The following ZBBX variants were observed in gnomAD, a reference collection of about 807,000 sequenced individuals.
ZBBX encodes zinc finger B-box domain-containing protein 1.
Under a neutral mutation model 108.5 loss-of-function variants are expected in ZBBX, and 101 were observed. The observed-to-expected ratio is 0.93, with a 90% CI of 0.79 to 1.10. ZBBX has a LOEUF of 1.10. ZBBX is among the 50% of genes least tolerant of loss of function. ZBBX has a pLI of 0.00. For missense variants in ZBBX, 1,009 were observed against 941.4 expected, an observed-to-expected ratio of 1.07 and a Z score of -0.94; for synonymous variants, 356 against 323.4, an observed-to-expected ratio of 1.10 and a Z score of -1.08.
chr3:167,360,820 T>C, intron 6 of ZBBX, 97 bp from the exon 7 acceptor site: 1 of 603,424 alleles, frequency 1.7e-6, no homozygotes, highest in Non-Finnish European at 2.6e-6. Flanking sequence ...CTTTGGTGCT[T>C]TTCGAACAAA....
At chr3:167,257,289 T>C (rs1723692348) in intron 20 of ZBBX, among the ~76,000 whole-genome samples, 1 of 152,190 alleles carries the variant, frequency 6.6e-6, no homozygotes, top group African/African-American at 2.4e-5. Flanking sequence ...TGAATATGTT[T>C]ATCAGTTCTA....
chr3:167,400,208 T>C (rs1748379360), intron 1 of ZBBX, among the ~76,000 whole-genome samples: 1 of 152,174 alleles, frequency 6.6e-6, no homozygotes, highest in Admixed American at 6.6e-5. Context: ...TGTTTTCCTT[T>C]GGGTATATAC....
chr3:167,278,936 C>A (rs1308287455), intron 20 of ZBBX, among the ~76,000 whole-genome samples: 1 of 152,128 alleles, frequency 6.6e-6, no homozygotes, highest in African/African-American at 2.4e-5. Context: ...GGATGCAAGG[C>A]TGGTTCAATA....
chr3:167,349,186 T>C (rs1742222394), intron 9 of ZBBX, among the ~76,000 whole-genome samples: 2 of 152,108 alleles, frequency 1.3e-5, no homozygotes, highest in African/African-American at 2.4e-5. Flanking sequence ...GAGTGATAAC[T>C]CAGAAAATGT....
At chr3:167,261,837 G>C (rs1724600438) in intron 20 of ZBBX, among the ~76,000 whole-genome samples, 1 of 149,680 alleles carries the variant, frequency 6.7e-6, no homozygotes. Context: ...TACCTGTGGA[G>C]TCTGCACACC....
At chr3:167,357,168 G>A (rs1365669262) in intron 8 of ZBBX, among the ~76,000 whole-genome samples, 1 of 152,110 alleles carries the variant, frequency 6.6e-6, no homozygotes, top group African/African-American at 2.4e-5. Context: ...AGTATAGATG[G>A]ACAAGATTAG....
At chr3:167,275,994 G>A (rs1727499225) in intron 20 of ZBBX, among the ~76,000 whole-genome samples, 1 of 152,114 alleles carries the variant, frequency 6.6e-6, no homozygotes, top group Admixed American at 6.6e-5. Context: ...CAGCCTAACT[G>A]GGAGGCACCC....
At chr3:167,325,756 T>C (rs1737267966) in intron 11 of ZBBX, among the ~76,000 whole-genome samples, 1 of 152,158 alleles carries the variant, frequency 6.6e-6, no homozygotes, top group Admixed American at 6.6e-5. Context: ...ACCTCTAATA[T>C]GTAAAACATT....
chr3:167,382,203 G>A (rs749692039), upstream of ZBBX, among the ~76,000 whole-genome samples: 1 of 152,126 alleles, frequency 6.6e-6, no homozygotes. Context: ...AATAGCTTAT[G>A]CACAGTTATG....
At chr3:167,350,354 T>C (rs943338313) in intron 9 of ZBBX, 66 bp downstream of exon 9, 58 of 1,285,602 alleles carry the variant, frequency 4.5e-5, no homozygotes, top group Non-Finnish European at 6.2e-5. Flanking sequence ...TAAAGACATT[T>C]TAAATGTCTT....
intron 10 of ZBBX, 88 bp from the exon 11 acceptor site, chr3:167,328,204 A>G (rs898965463): frequency 3.3e-5 from 43 of 1,308,512 alleles, no homozygotes; most frequent in Non-Finnish European, 8.4e-6. Context: ...CTGTGTTTTA[A>G]AATACAGGTA....
At position 167,314,060 on chromosome 3, in the gene ZBBX, T is replaced by A; in HGVS notation, c.1331A>T (p.Gln444Leu). Reference protein sequence around the residue: ...NSFPYENGIHQHHVFDKGKRD... With the variant: ...NSFPYENGIHLHHVFDKGKRD... ...CTTTCCCTTATCGAAAACATGATGT[T>A]GATGGATGCCATTTTCATATGGAAA... The change falls in exon 16 of 22, where the codon CAA (glutamine) becomes CTA (leucine). Residue 444 changes from glutamine to leucine, a missense_variant. Gln to Leu is a moderately radical substitution (Grantham distance 113). Coordinates refer to ENST00000675490, the MANE Select transcript of ZBBX (RefSeq NM_001199201.2). 6.2e-7 allele frequency: 1 copy of A among 1,606,938 alleles called. No homozygotes were observed. Among genetic ancestry groups the A allele is most frequent in the Non-Finnish European group, 8.5e-7 (1 of 1,176,474 alleles).
intron 20 of ZBBX, among the ~76,000 whole-genome samples, chr3:167,254,190 CATATTTTTTTGT>C (rs1195454325): frequency 2.0e-5 from 3 of 152,132 alleles, no homozygotes; most frequent in African/African-American, 7.2e-5. Flanking sequence ...CACACACTGA[CATATTTTTTTGT>C]AAAGTGTTAC....
intron 20 of ZBBX, among the ~76,000 whole-genome samples, chr3:167,246,166 A>G (rs1359702996): frequency 6.6e-6 from 1 of 152,176 alleles, no homozygotes; most frequent in Non-Finnish European, 1.5e-5. Flanking sequence ...AGCAACCAGT[A>G]ATTATTATTA....
At chr3:167,196,350 T>A in the ZBBX span, among the ~76,000 whole-genome samples, 19 of 152,160 alleles carry the variant, frequency 1.2e-4, no homozygotes, top group Non-Finnish European at 2.5e-4. Flanking sequence ...GAGGAAAATT[T>A]AAAATAAGTC....
At position 167,401,629 on chromosome 3, in the gene ZBBX, G is replaced by A. The variant is rs538920302; in HGVS notation, c.-446+6097C>T. On this transcript the variant is annotated intron_variant, in intron 1 of 21. Transcript: ENST00000455345. The stretch of plus-strand genomic sequence containing the variant: ...CTGTAAACTGTCATGGCACTGGTGG[G>A]AGTGTAGCAGTGAGGACAACCAGAG... 1.2e-4 allele frequency among the ~76,000 whole-genome samples: 18 copies of A among 152,290 alleles called. No individual in the cohort carries two copies. In the South Asian group the frequency reaches 2.5e-3, roughly 21 times the overall value.
chr3:167,355,568 TC>T (rs1260994331), intron 8 of ZBBX, among the ~76,000 whole-genome samples: 1 of 151,426 alleles, frequency 6.6e-6, no homozygotes, highest in East Asian at 1.9e-4. Flanking sequence ...GATATATATA[TC>T]CTTTATATAT....
chr3:167,275,465 G>A lies in ZBBX; in HGVS notation c.2254+6773C>T, dbSNP rs773980369. On this transcript the variant is annotated intron_variant, in intron 20 of 21. Coordinates refer to ENST00000675490, the MANE Select transcript of ZBBX (RefSeq NM_001199201.2). ...AGCAGGGCGAGGCATTGCCTCACTC[G>A]GGAAGCACAAGGGGTCAGGGAGTTC... is the stretch of plus-strand genomic sequence containing the variant. Among the ~76,000 whole-genome samples the A allele has an allele frequency of 1.6e-3, 247 of 152,184 alleles. 1 individual carries two copies. Among genetic ancestry groups the A allele is most frequent in the Non-Finnish European group, 2.5e-3 (171 of 68,038 alleles).
rs1733514140 is a variant in ZBBX at position 167,305,721 on chromosome 3, G to A, written c.1647C>T (p.Asp549=). ...TGCTCAATTCCAAGGATTCTTTGATGTCTTGAGATAATTTCTCCTCAATGG... is the reference window on the plus strand; with the variant it reads ...TGCTCAATTCCAAGGATTCTTTGATATCTTGAGATAATTTCTCCTCAATGG... The part of the protein sequence containing the change: ...KAPIEEKLSQ[D]IKESLELSNL... The change falls in exon 17 of 22, where the codon GAC becomes GAT. Residue 549 remains aspartate (D), a synonymous_variant. Coordinates refer to ENST00000675490, the MANE Select transcript of ZBBX (RefSeq NM_001199201.2). 1.2e-6 allele frequency: 2 copies of A among 1,611,534 alleles called. No homozygotes were observed. The highest frequency in any genetic ancestry group is 1.7e-5 in the Admixed American group (1 of 59,818).
Sources: gnomAD v4.1 joint callset for allele counts (sites outside exome capture counted in the v4.1 genomes callset) on GRCh38, gnomAD v4.1.1 for gene constraint, MANE v1.5 for transcripts, NCBI Gene and HGNC (gene_info 2026-07-23, HGNC 2026-07-21) for gene names.